PTGR1: variants seen among roughly 807,000 people sequenced by gnomAD.
PTGR1 encodes the protein prostaglandin reductase 1.
A neutral mutation model predicts 37.7 loss-of-function variants in PTGR1; 23 were observed. That is an observed-to-expected ratio of 0.61 (90% CI 0.44 to 0.86). The LOEUF (loss-of-function observed/expected upper bound fraction) is 0.86. PTGR1 is among the 40% of genes least tolerant of loss of function. The pLI is 0.00. For synonymous variants in PTGR1, 134 were observed against 140.0 expected (o/e 0.96, Z 0.30); for missense variants, 351 against 394.3 (o/e 0.89, Z 0.93).
chr9:111,561,110 T>TATAGAGAGAGAGAGAGAG (rs1457364862), downstream of PTGR1, among the ~76,000 whole-genome samples: 1 of 19,192 alleles, frequency 5.2e-5, no homozygotes, highest in African/African-American at 3.9e-4. Context: ...TATATATATA[T>TATAGAGAGAGAGAGAGAG]AGAGAGAGAG....
At position 111,591,254 on chromosome 9, in the gene PTGR1, G is replaced by A. The variant is rs564329164; in HGVS notation, c.209+1672C>T. Among the ~76,000 whole-genome samples the A allele has an allele frequency of 4.7e-4, 71 of 150,264 alleles. 2 individuals are homozygous for A. The South Asian group carries it at 0.012, about 25-fold the overall frequency. On this transcript the variant is annotated intron_variant, in intron 4 of 9. Transcript: ENST00000407693. ...AGAGGTTGCGGTGAGCCAAGATTAC[G>A]CCATTGCACTCCAGCATGGGCAACA... is the stretch of plus-strand genomic sequence containing the variant.
chr9:111,563,509 C>CT (rs769286166), intron 9 of PTGR1: 13,686 of 182,994 alleles, frequency 0.075, 532 homozygotes, highest in African/African-American at 0.14. Flanking sequence ...CTTTTTCTTT[C>CT]TTTTTTTTTT....
At chr9:111,566,663 C>G (rs1430315188) in intron 9 of PTGR1, among the ~76,000 whole-genome samples, 2 of 152,090 alleles carry the variant, frequency 1.3e-5, no homozygotes, top group Non-Finnish European at 2.9e-5. Flanking sequence ...CATGTATGCA[C>G]CCCTCTAACA....
intron 9 of PTGR1, among the ~76,000 whole-genome samples, chr9:111,551,394 GTTTTTGTTTTTTTTTTT>G (rs1827940269): frequency 8.7e-6 from 1 of 115,514 alleles, no homozygotes; most frequent in East Asian, 2.6e-4. Context: ...CAAGTATCCA[GTTTTTGTTTTTTTTTTT>G]TTTTTTTTTT....
chr9:111,577,962 G>C (rs76986254), intron 7 of PTGR1: 10,412 of 152,194 alleles, frequency 0.068, 547 homozygotes, highest in East Asian at 0.25. Flanking sequence ...GGGGAGGAGG[G>C]TGGTAATGGA....
chr9:111,590,529 C>T (rs6477830), intron 4 of PTGR1, among the ~76,000 whole-genome samples: 103,125 of 151,996 alleles, frequency 0.68, 36,212 homozygotes, highest in African/African-American at 0.88. Flanking sequence ...TGGCTAATTT[C>T]TTTATTTTTA....
intron 6 of PTGR1, among the ~76,000 whole-genome samples, chr9:111,581,560 C>T (rs1306784219): frequency 6.6e-6 from 1 of 152,146 alleles, no homozygotes; most frequent in Non-Finnish European, 1.5e-5. Context: ...TTGAATGTCT[C>T]ATCTGCAACC....
At chr9:111,554,148 T>C (rs1158731081) in intron 9 of PTGR1, among the ~76,000 whole-genome samples, 1 of 152,202 alleles carries the variant, frequency 6.6e-6, no homozygotes, top group Non-Finnish European at 1.5e-5. Context: ...ACTACAACTA[T>C]TGACATCACA....
chr9:111,570,614 TAA>T (rs75586959), intron 8 of PTGR1, among the ~76,000 whole-genome samples: 5 of 138,944 alleles, frequency 3.6e-5, no homozygotes, highest in Admixed American at 7.2e-5. Flanking sequence ...TTCTAAAAAT[TAA>T]AAAAAAAAAA....
At chr9:111,572,756 CAAA>C (rs58101079) in intron 8 of PTGR1, among the ~76,000 whole-genome samples, 1 of 63,508 alleles carries the variant, frequency 1.6e-5, no homozygotes, top group Non-Finnish European at 2.8e-5. Context: ...GACCCTGTCT[CAAA>C]AAAAAAAAAA....
At chr9:111,570,932 TGA>T (rs1388014559) in intron 8 of PTGR1, among the ~76,000 whole-genome samples, 2 of 151,480 alleles carry the variant, frequency 1.3e-5, no homozygotes, top group African/African-American at 2.4e-5. Flanking sequence ...GAAGCAGAGA[TGA>T]GAGAGAGGAG....
chr9:111,594,149 T>C, intron 3 of PTGR1, 73 bp downstream of exon 3: 1 of 1,411,348 alleles, frequency 7.1e-7, no homozygotes, highest in Non-Finnish European at 1.0e-6. Context: ...CAGTTGGATA[T>C]TTTAGAAGAT....
In PTGR1 at chr9:111,570,085, CCTTA is replaced by C; in HGVS notation, c.879+2_879+5del. The C allele has an allele frequency of 6.2e-7, 1 of 1,614,062 alleles. No individual in the cohort carries two copies. The highest frequency in any genetic ancestry group is 8.5e-7 in the Non-Finnish European group (1 of 1,180,010). On this transcript the variant is annotated splice_donor_variant and splice_donor_5th_base_variant and intron_variant, in intron 9 of 9. Coordinates refer to ENST00000407693, the MANE Select transcript of PTGR1 (RefSeq NM_001146108.2). LOFTEE classifies it high-confidence loss of function. ...AATTGGAAGGGGTGGCTCCGGAGCTCCTTACCTCTAAGACCCATTTCAGCAAGTC... is the reference window on the plus strand; with the variant it reads ...AATTGGAAGGGGTGGCTCCGGAGCTCCCTCTAAGACCCATTTCAGCAAGTC...
intron 9 of PTGR1, among the ~76,000 whole-genome samples, chr9:111,555,065 G>A (rs1828082462): frequency 2.0e-5 from 3 of 152,154 alleles, no homozygotes; most frequent in South Asian, 4.1e-4. Flanking sequence ...CTGGCGAGCA[G>A]GCAGAGGCAC....
chr9:111,586,782 A>ACTCT (rs35858814), intron 4 of PTGR1, among the ~76,000 whole-genome samples: 14,369 of 135,800 alleles, frequency 0.11, 870 homozygotes, highest in East Asian at 0.18. Flanking sequence ...TTACTTTTCC[A>ACTCT]CTCTCTCTCT....
At chr9:111,564,758 T>A (rs774007860) in intron 9 of PTGR1, among the ~76,000 whole-genome samples, 4 of 152,086 alleles carry the variant, frequency 2.6e-5, no homozygotes, top group Non-Finnish European at 5.9e-5. Context: ...CCAATCCAAA[T>A]CCATATGTTT....
chr9:111,572,845 A>C lies in PTGR1; in HGVS notation c.760+1889T>G, dbSNP rs188998577. Among the ~76,000 whole-genome samples, 286 of 152,212 alleles carry C rather than the reference A, an allele frequency of 1.9e-3. 3 individuals carry two copies. Among genetic ancestry groups the C allele is most frequent in the African/African-American group, 6.6e-3 (275 of 41,540 alleles). On this transcript the variant is annotated intron_variant, in intron 8 of 9. Coordinates refer to ENST00000407693, the MANE Select transcript of PTGR1 (RefSeq NM_001146108.2). Reference sequence around the variant, plus strand: ...AGCAAGACCTTGTCTCAAAACAAACAAACCAATAAACAAAAAAGCAAAATG... The same window carrying C: ...AGCAAGACCTTGTCTCAAAACAAACCAACCAATAAACAAAAAAGCAAAATG...
At chr9:111,583,365 G>A in intron 6 of PTGR1, 107 bp downstream of exon 6, 1 of 868,250 alleles carries the variant, frequency 1.2e-6, no homozygotes, top group Non-Finnish European at 1.8e-6. Flanking sequence ...TTCTAAAGAA[G>A]ACAACTAGAC....
chr9:111,561,414 T>C (rs1323037973), downstream of PTGR1, among the ~76,000 whole-genome samples: 6 of 152,070 alleles, frequency 3.9e-5, no homozygotes, highest in African/African-American at 1.4e-4. Context: ...TAGCTGGGAC[T>C]ATAGGCACAC....
Sources: allele counts gnomAD v4.1 joint callset (sites outside exome capture counted in the v4.1 genomes callset), GRCh38; gene constraint gnomAD v4.1.1; transcripts MANE v1.5; gene names NCBI Gene and HGNC (gene_info 2026-07-23, HGNC 2026-07-21).